CHRNB4: variants seen among roughly 807,000 people sequenced by gnomAD.
The protein encoded by CHRNB4 is neuronal acetylcholine receptor subunit beta-4.
CHRNB4 carries 23 observed loss-of-function variants against 40.4 expected under a neutral mutation model. The ratio of observed to expected loss-of-function variants is 0.57; its 90% CI spans 0.41 to 0.81. CHRNB4 has a LOEUF of 0.81. Ranked by LOEUF, CHRNB4 falls within the 30% of genes least tolerant of loss-of-function variation. The pLI is 0.00. For synonymous variants in CHRNB4, 285 were observed against 274.4 expected (o/e 1.04, Z -0.38); for missense variants, 568 against 670.6 (o/e 0.85, Z 1.69).
chr15:78,636,602 C>T (rs1192263890), intron 1 of CHRNB4, among the ~76,000 whole-genome samples: 1 of 151,548 alleles, frequency 6.6e-6, no homozygotes, highest in Non-Finnish European at 1.5e-5. Flanking sequence ...GTCTCACTTC[C>T]TGTTTTTTCC....
chr15:78,648,618 G>C (rs1396300607), intron 7 of CHRNB4, among the ~76,000 whole-genome samples: 6 of 151,516 alleles, frequency 4.0e-5, no homozygotes, highest in Non-Finnish European at 7.4e-5. Flanking sequence ...GCCAGGTGTG[G>C]TGGCAGATGC....
chr15:78,661,584 T>C (rs2054253903), upstream of CHRNB4: 2 of 521,268 alleles, frequency 3.8e-6, no homozygotes, highest in South Asian at 1.5e-5. Flanking sequence ...TTTTGGTCCT[T>C]GTTGGGGCGG....
At chr15:78,654,713 T>C (rs1409425211) in intron 5 of CHRNB4, among the ~76,000 whole-genome samples, 1 of 152,206 alleles carries the variant, frequency 6.6e-6, no homozygotes, top group African/African-American at 2.4e-5. Flanking sequence ...AAGAGCTTTT[T>C]TAAAAAAACT....
At chr15:78,657,760 G>A (rs1335857909) in intron 2 of CHRNB4, among the ~76,000 whole-genome samples, 1 of 151,720 alleles carries the variant, frequency 6.6e-6, no homozygotes, top group African/African-American at 2.4e-5. Context: ...CACTGTGTTA[G>A]CCAGGATAGT....
intron 2 of CHRNB4, among the ~76,000 whole-genome samples, chr15:78,633,573 T>C (rs1205335752): frequency 2.0e-5 from 3 of 152,244 alleles, no homozygotes; most frequent in Non-Finnish European, 4.4e-5. Context: ...ACATTTAATG[T>C]AGTTACTGAT....
At chr15:78,646,537 A>G (rs1361103482) in intron 7 of CHRNB4, among the ~76,000 whole-genome samples, 1 of 152,220 alleles carries the variant, frequency 6.6e-6, no homozygotes, top group Non-Finnish European at 1.5e-5. Context: ...CCAGTTCTAG[A>G]GGCTAGATGT....
chr15:78,651,539 T>C (rs141744330), intron 6 of CHRNB4, among the ~76,000 whole-genome samples: 97 of 152,316 alleles, frequency 6.4e-4, no homozygotes, highest in African/African-American at 2.3e-3. Flanking sequence ...CACCAGAAGC[T>C]GGACATGTTT....
chr15:78,660,994 TTC>T, upstream of CHRNB4: 1 of 481,030 alleles, frequency 2.1e-6, no homozygotes, highest in Non-Finnish European at 3.9e-6. Context: ...TTTCCTCTCT[TTC>T]TCTCTTCTTC....
chr15:78,644,090 G>A (rs2054104684), upstream of CHRNB4, among the ~76,000 whole-genome samples: 1 of 151,650 alleles, frequency 6.6e-6, no homozygotes, highest in Non-Finnish European at 1.5e-5. Context: ...GTGAACCCAG[G>A]AGGCAGAGCT....
intron 1 of CHRNB4, chr15:78,658,492 A>G (rs1197776569): frequency 6.6e-6 from 1 of 152,220 alleles, no homozygotes; most frequent in East Asian, 1.9e-4. Flanking sequence ...CCTCCCTAGG[A>G]AGCAGCAACA....
intron 5 of CHRNB4, among the ~76,000 whole-genome samples, chr15:78,625,511 T>A (rs138059852): frequency 4.6e-5 from 7 of 152,214 alleles, no homozygotes; most frequent in African/African-American, 1.2e-4. Context: ...CCCCACAGCG[T>A]TGGAGGGGCA....
chr15:78,635,632 AC>A (rs1277763772), intron 1 of CHRNB4, 45 bp from the exon 2 acceptor site: 3 of 1,608,614 alleles, frequency 1.9e-6, no homozygotes, highest in African/African-American at 1.3e-5. Flanking sequence ...TGTGCACCTG[AC>A]CCCCACTGCA....
chr15:78,630,147 T>C (rs2053770418), intron 4 of CHRNB4, among the ~76,000 whole-genome samples: 1 of 151,304 alleles, frequency 6.6e-6, no homozygotes, highest in African/African-American at 2.4e-5. Flanking sequence ...ACCCCCCTTT[T>C]TTTTTTTTTT....
intron 2 of CHRNB4, 69 bp downstream of exon 2, chr15:78,635,370 A>G: frequency 1.9e-6 from 3 of 1,572,146 alleles, no homozygotes; most frequent in Admixed American, 1.8e-5. Flanking sequence ...TTGACCAATG[A>G]TCGCCTGGGG....
chr15:78,661,013 C>T, upstream of CHRNB4: 1 of 522,636 alleles, frequency 1.9e-6, no homozygotes, highest in Non-Finnish European at 3.7e-6. Context: ...CTTCCAAAAT[C>T]TTTTTAATAA....
In CHRNB4 at chr15:78,632,171, CTCTTTCTT is replaced by C. The variant is rs1274535496; in HGVS notation, c.205-847_205-840del. Among the ~76,000 whole-genome samples, 16 of 4,444 alleles carry C rather than the reference CTCTTTCTT, an allele frequency of 3.6e-3. 1 individual carries two copies. The highest frequency in any genetic ancestry group is 3.9e-3 in the African/African-American group (15 of 3,862). 2.9% of individuals were successfully genotyped at this position (4,444 alleles called of 152,430 possible). A position where few individuals can be genotyped will look rare whatever the true frequency, so the allele number is the denominator to read the frequency against. On this transcript the variant is annotated intron_variant, in intron 2 of 5. Coordinates refer to ENST00000261751, the MANE Select transcript of CHRNB4 (RefSeq NM_000750.5). The stretch of plus-strand genomic sequence containing the variant: ...TTTCTGTCTTTCTTTTCTTTTCTTT[CTCTTTCTT>C]TCTTTCTTTCTTTCTTTCTTTCTTT...
In CHRNB4 at chr15:78,629,512, T is replaced by C; in HGVS notation, c.793A>G (p.Thr265Ala). ...GCCAGCAGCACTGAGATGCACAGTG[T>C]CATCTTCTCGCCGCAGTCGGATGGC... ...YLPSDCGEKMTLCISVLLALT... is the reference protein window; with the variant it reads ...YLPSDCGEKMALCISVLLALT... Residue 265 changes from threonine (T) to alanine (A), a missense_variant, in exon 5 of 6, where the codon ACA becomes GCA. Transcript: ENST00000261751. This position sits in a 1 kb window ranked among gnomAD's most constrained non-coding sequence, Gnocchi z 6.8. The C allele has an allele frequency of 6.2e-7, 1 of 1,614,078 alleles. No homozygotes were observed. Among genetic ancestry groups the C allele is most frequent in the African/African-American group, 1.3e-5 (1 of 75,014 alleles).
intron 1 of CHRNB4, among the ~76,000 whole-genome samples, chr15:78,659,120 G>T (rs1287670271): frequency 1.3e-5 from 2 of 152,158 alleles, no homozygotes; most frequent in Non-Finnish European, 2.9e-5. Flanking sequence ...GTAAGATGGG[G>T]AGACAATGAC....
intron 5 of CHRNB4, chr15:78,626,655 T>C (rs2053667380): frequency 6.6e-6 from 1 of 152,216 alleles, no homozygotes; most frequent in Non-Finnish European, 1.5e-5. Flanking sequence ...TGTTTGACAC[T>C]GGCCAAGTCA....
Sources: allele counts gnomAD v4.1 joint callset (sites outside exome capture counted in the v4.1 genomes callset), GRCh38; gene constraint gnomAD v4.1.1; non-coding constraint Gnocchi (gnomAD v3.1); transcripts MANE v1.5; gene names NCBI Gene and HGNC (gene_info 2026-07-23, HGNC 2026-07-21).